RAB11FIP2: variants seen among roughly 807,000 people sequenced by gnomAD.
RAB11FIP2 encodes rab11 family-interacting protein 2.
RAB11FIP2 carries 16 observed loss-of-function variants against 40.9 expected under a neutral mutation model. That is an observed-to-expected ratio of 0.39 (90% CI 0.26 to 0.59). RAB11FIP2 has a LOEUF of 0.59. Among genes scored for constraint, RAB11FIP2 ranks in the 20% least tolerant of loss-of-function variants. The probability of loss-of-function intolerance (pLI) is 0.53; values close to 1 mark genes in which losing one functional copy is unlikely to be tolerated. For missense variants in RAB11FIP2, 532 were observed against 606.2 expected, an observed-to-expected ratio of 0.88 and a Z score of 1.28; for synonymous variants, 228 against 213.7, an observed-to-expected ratio of 1.07 and a Z score of -0.58.
At chr10:118,015,044 C>G (rs1222649148) in intron 4 of RAB11FIP2, 21 bp downstream of exon 4, 1 of 1,597,508 alleles carries the variant, frequency 6.3e-7, no homozygotes, top group Non-Finnish European at 8.6e-7. Context: ...TGACAACCCT[C>G]TAACCCCTTC....
chr10:118,029,957 A>C (rs1846393230), intron 3 of RAB11FIP2, among the ~76,000 whole-genome samples: 1 of 152,148 alleles, frequency 6.6e-6, no homozygotes, highest in Non-Finnish European at 1.5e-5. Flanking sequence ...TGTAAAAACC[A>C]AACTGGTGCC....
intron 3 of RAB11FIP2, among the ~76,000 whole-genome samples, chr10:118,023,364 C>T (rs1846304408): frequency 6.6e-6 from 1 of 152,004 alleles, no homozygotes; most frequent in South Asian, 2.1e-4. Context: ...GCAAATAAGC[C>T]TTAAGAGGCA....
chr10:118,021,185 T>C (rs1846280096), intron 3 of RAB11FIP2, among the ~76,000 whole-genome samples: 1 of 152,242 alleles, frequency 6.6e-6, no homozygotes, highest in African/African-American at 2.4e-5. Context: ...TAGGATTGCA[T>C]TTTTAAAGAT....
At chr10:118,028,003 A>C (rs1846365878) in intron 3 of RAB11FIP2, among the ~76,000 whole-genome samples, 1 of 152,068 alleles carries the variant, frequency 6.6e-6, no homozygotes, top group Non-Finnish European at 1.5e-5. Context: ...AACTCCATGT[A>C]CTTCTGTTTA....
intron 3 of RAB11FIP2, among the ~76,000 whole-genome samples, chr10:118,023,755 G>A (rs1247625490): frequency 1.3e-5 from 2 of 152,088 alleles, no homozygotes; most frequent in East Asian, 1.9e-4. Flanking sequence ...ATTAAGGCTT[G>A]GTTTGACTAT....
At chr10:118,034,522 G>C (rs924727525) in intron 3 of RAB11FIP2, among the ~76,000 whole-genome samples, 11 of 151,950 alleles carry the variant, frequency 7.2e-5, no homozygotes, top group Non-Finnish European at 1.6e-4. Flanking sequence ...AATTAAAAAT[G>C]GTATAACAAA....
At position 118,006,751 on chromosome 10, in the gene RAB11FIP2, C is replaced by T. The variant is rs749448925; in HGVS notation, c.*2247G>A. On this transcript the variant is annotated 3_prime_UTR_variant, in exon 5 of 5. Transcript: ENST00000355624. ...GGCAGTGATGAATGTATTAATAGAT[C>T]TAGTTTTAAATATAATACTTGTCTC... 6.6e-5 allele frequency: 10 copies of T among 151,858 alleles called. No homozygotes were observed. The highest frequency in any genetic ancestry group is 2.1e-4 in the South Asian group (1 of 4,814). 9.4% of individuals were successfully genotyped at this position (151,858 alleles called of 1,614,324 possible). A position where few individuals can be genotyped will look rare whatever the true frequency, so the allele number is the denominator to read the frequency against.
chr10:118,043,861 G>A (rs936534135), intron 1 of RAB11FIP2, among the ~76,000 whole-genome samples: 4 of 152,098 alleles, frequency 2.6e-5, no homozygotes, highest in South Asian at 2.1e-4. Flanking sequence ...GTACAGCTGT[G>A]CTAGAAAAGG....
intron 1 of RAB11FIP2, among the ~76,000 whole-genome samples, chr10:118,042,125 C>G (rs181530738): frequency 3.3e-5 from 5 of 152,104 alleles, no homozygotes; most frequent in Non-Finnish European, 5.9e-5. Context: ...ACACATCTGA[C>G]GAACAGTAGC....
At chr10:118,015,833 G>A (rs1212975828) in intron 3 of RAB11FIP2, among the ~76,000 whole-genome samples, 1 of 152,098 alleles carries the variant, frequency 6.6e-6, no homozygotes, top group African/African-American at 2.4e-5. Flanking sequence ...ATATTTCATC[G>A]GTGCTATTCA....
At chr10:118,011,009 C>T (rs1279600240) in intron 4 of RAB11FIP2, among the ~76,000 whole-genome samples, 2 of 151,366 alleles carry the variant, frequency 1.3e-5, no homozygotes, top group Admixed American at 1.3e-4. Context: ...AATAGGAAGC[C>T]ACTGAAGGTT....
chr10:118,032,942 T>A (rs957072734), intron 3 of RAB11FIP2, among the ~76,000 whole-genome samples: 3 of 152,136 alleles, frequency 2.0e-5, no homozygotes, highest in Non-Finnish European at 4.4e-5. Flanking sequence ...GCCCTTATTT[T>A]ACTTAATAAT....
chr10:118,045,806 C>T lies in RAB11FIP2; in HGVS notation c.353+5G>A, dbSNP rs554553885. 3.2e-6 allele frequency: 5 copies of T among 1,578,182 alleles called. No homozygotes were observed. Among genetic ancestry groups the T allele is most frequent in the Non-Finnish European group, 4.3e-6 (5 of 1,158,888 alleles). On this transcript the variant is annotated splice_donor_5th_base_variant and intron_variant, in intron 1 of 4. Coordinates refer to ENST00000355624, the MANE Select transcript of RAB11FIP2 (RefSeq NM_014904.3). ...CCCAAATTCAAAATAAATTACATAA[C>T]TTACTCTGTTTTCCTTCTTTGTTTG...
intron 3 of RAB11FIP2, among the ~76,000 whole-genome samples, chr10:118,024,666 T>A (rs1221976015): frequency 2.0e-5 from 3 of 151,868 alleles, no homozygotes; most frequent in Non-Finnish European, 2.9e-5. Flanking sequence ...GGAGGGAGTG[T>A]AAGGATAATG....
At chr10:118,037,581 T>TTGTATTA (rs1465278528) in intron 3 of RAB11FIP2, among the ~76,000 whole-genome samples, 7 of 152,080 alleles carry the variant, frequency 4.6e-5, no homozygotes, top group Non-Finnish European at 7.4e-5. Context: ...GGGCCTGGCT[T>TTGTATTA]TGTATTATGT....
intron 3 of RAB11FIP2, among the ~76,000 whole-genome samples, chr10:118,019,725 C>T (rs2133167030): frequency 6.6e-6 from 1 of 151,854 alleles, no homozygotes; most frequent in South Asian, 2.1e-4. Context: ...ACTCGGGAGG[C>T]TGAGGCAAGA....
intron 4 of RAB11FIP2, among the ~76,000 whole-genome samples, chr10:118,010,535 C>A (rs1182374540): frequency 6.6e-6 from 1 of 152,048 alleles, no homozygotes; most frequent in Non-Finnish European, 1.5e-5. Flanking sequence ...TAACTTTTCA[C>A]TGGCCCTCAC....
At chr10:118,017,739 T>C (rs1846238557) in intron 3 of RAB11FIP2, 1 of 152,210 alleles carries the variant, frequency 6.6e-6, no homozygotes, top group South Asian at 2.1e-4. Context: ...TCCTTGAGAT[T>C]GAACAGTATT....
rs370684814 is a variant in RAB11FIP2 at position 118,024,951 on chromosome 10, G to A, written c.1266-9841C>T. Among the ~76,000 whole-genome samples, 69 of 152,264 alleles carry A rather than the reference G, an allele frequency of 4.5e-4. No individual in the cohort carries two copies. In the South Asian group the frequency reaches 8.1e-3, roughly 18 times the overall value. On this transcript the variant is annotated intron_variant, in intron 3 of 4. Coordinates refer to ENST00000355624, the MANE Select transcript of RAB11FIP2 (RefSeq NM_014904.3). ...CCATCTCTGCAGAGGCTTCAAGGAG[G>A]GACATCAAGGCAGCCAGACTTCCAG...
Sources: allele counts gnomAD v4.1 joint callset (sites outside exome capture counted in the v4.1 genomes callset), GRCh38; gene constraint gnomAD v4.1.1; transcripts MANE v1.5; gene names NCBI Gene and HGNC (gene_info 2026-07-23, HGNC 2026-07-21).